The following USP5 variants were observed in gnomAD, a reference collection of about 807,000 sequenced individuals.
USP5 encodes ubiquitin specific peptidase 5.
A neutral mutation model predicts 102.5 loss-of-function variants in USP5; 24 were observed. That is an observed-to-expected ratio of 0.23 (90% CI 0.17 to 0.33). USP5 has a LOEUF of 0.33. USP5 is among the 10% of genes least tolerant of loss of function. USP5 has a pLI of 1.00. For synonymous variants in USP5, 460 were observed against 434.8 expected (o/e 1.06, Z -0.72); for missense variants, 753 against 1,122.1 (o/e 0.67, Z 4.70).
In USP5 at chr12:6,856,039, T is replaced by C. The variant is rs781957346; in HGVS notation, c.327T>C (p.Leu109=). The C allele has an allele frequency of 1.2e-6, 2 of 1,614,058 alleles. No individual in the cohort carries two copies. Among genetic ancestry groups the C allele is most frequent in the African/African-American group, 2.7e-5 (2 of 74,916 alleles). ...CAGGTGTTGAAGGCGGATTTGACCTTAGCGAGGAGAAGTTTGAATTAGACG... is the reference window on the plus strand; with the variant it reads ...CAGGTGTTGAAGGCGGATTTGACCTCAGCGAGGAGAAGTTTGAATTAGACG... ...LAIGVEGGFD[L]SEEKFELDED... is the part of the protein sequence containing the mutation. Residue 109 remains leucine, a synonymous_variant, in exon 4 of 20, where the codon CTT becomes CTC. Transcript: ENST00000229268. This position sits in a 1 kb window ranked among gnomAD's most constrained non-coding sequence, Gnocchi z 5.6.
Position 6,855,155 on chromosome 12 carries a change from G to A in USP5, c.112-246G>A, listed in dbSNP as rs143399294. On this transcript the variant is annotated intron_variant, in intron 1 of 19. Transcript: ENST00000229268. This position sits in a 1 kb window ranked among gnomAD's most constrained non-coding sequence, Gnocchi z 4.6. Reference sequence around the variant, plus strand: ...GGTGTTGCTGTTGAATGGCGACGATGAGCTGGTGTTCCTCAGCCCCCTGAT... The same window carrying A: ...GGTGTTGCTGTTGAATGGCGACGATAAGCTGGTGTTCCTCAGCCCCCTGAT... Among the ~76,000 whole-genome samples, 374 of 152,314 alleles carry A rather than the reference G, an allele frequency of 2.5e-3. No homozygotes were observed. The highest frequency in any genetic ancestry group is 4.1e-3 in the Non-Finnish European group (282 of 68,030).
Position 6,855,691 on chromosome 12 carries a change from C to G in USP5, c.238-64C>G. On this transcript the variant is annotated intron_variant, in intron 2 of 19. Transcript: ENST00000229268. The surrounding 1 kb of genome is among the most constrained non-coding windows in gnomAD (Gnocchi z 4.6). ...GATGAAGCACTACCTCCTTCCGTCCCTCCTCCCGACTTGTTCCTTCGCTCG... is the reference window on the plus strand; with the variant it reads ...GATGAAGCACTACCTCCTTCCGTCCGTCCTCCCGACTTGTTCCTTCGCTCG... The G allele has an allele frequency of 1.2e-6, 2 of 1,608,006 alleles. No individual in the cohort carries two copies. The highest frequency in any genetic ancestry group is 1.7e-6 in the Non-Finnish European group (2 of 1,175,490).
rs1254231978 is a variant in USP5 at position 6,861,760 on chromosome 12, T to C, written c.1673+143T>C. 2.1e-6 allele frequency: 2 copies of C among 970,904 alleles called. No homozygotes were observed. Among genetic ancestry groups the C allele is most frequent in the Non-Finnish European group, 2.8e-6 (2 of 719,194 alleles). The allele number at this position is 970,904 out of a possible 1,614,324, so 60.1% of individuals were successfully genotyped here. ...AGTTGGGCTGGTAATCTGGCCCTGA[T>C]GGAACCAAGGGGCCCTGGTAGGGGG... On this transcript the variant is annotated intron_variant, in intron 13 of 19. Coordinates refer to ENST00000229268, the MANE Select transcript of USP5 (RefSeq NM_001098536.2). The surrounding 1 kb of genome is among the most constrained non-coding windows in gnomAD (Gnocchi z 4.9).
At chr12:6,862,888 C>T (rs1944319507) in intron 14 of USP5, among the ~76,000 whole-genome samples, 1 of 152,208 alleles carries the variant, frequency 6.6e-6, no homozygotes, top group Non-Finnish European at 1.5e-5. Context: ...GATGTACCTT[C>T]ATTTTCTAGA....
Position 6,861,033 on chromosome 12 carries a change from G to A in USP5, c.1425G>A (p.Glu475=). The A allele has an allele frequency of 6.2e-7, 1 of 1,614,258 alleles. No homozygotes were observed. The highest frequency in any genetic ancestry group is 8.5e-7 in the Non-Finnish European group (1 of 1,180,046). ...VEEKIKCLAT[E]KVKYTQRVDY... ...AAAAGATCAAGTGCCTGGCCACAGAGAAGGTGAAGTACACCCAGCGAGTTG... is the reference window on the plus strand; with the variant it reads ...AAAAGATCAAGTGCCTGGCCACAGAAAAGGTGAAGTACACCCAGCGAGTTG... Residue 475 remains glutamate, a synonymous_variant, in exon 12 of 20, where the codon GAG becomes GAA. Coordinates refer to ENST00000229268, the MANE Select transcript of USP5 (RefSeq NM_001098536.2). The surrounding 1 kb of genome is among the most constrained non-coding windows in gnomAD (Gnocchi z 4.9).
At position 6,856,340 on chromosome 12, in the gene USP5, C is replaced by T. The variant is rs2138040490; in HGVS notation, c.474C>T (p.Asp158=). ...CAGTGGAGGCCCTACTGTCGGCCGACTCAGCCTCCCGCAAGCAGGAGGTGC... is the reference window on the plus strand; with the variant it reads ...CAGTGGAGGCCCTACTGTCGGCCGATTCAGCCTCCCGCAAGCAGGAGGTGC... ...TSAVEALLSA[D]SASRKQEVQA... is the part of the protein sequence containing the mutation. The change falls in exon 5 of 20, where the codon GAC becomes GAT. Residue 158 remains aspartate (D), a synonymous_variant. Transcript: ENST00000229268. This position sits in a 1 kb window ranked among gnomAD's most constrained non-coding sequence, Gnocchi z 5.6. The T allele has an allele frequency of 1.2e-6, 2 of 1,613,890 alleles. No individual in the cohort carries two copies. The highest frequency in any genetic ancestry group is 1.7e-6 in the Non-Finnish European group (2 of 1,179,932).
Position 6,856,128 on chromosome 12 carries a change from T to A in USP5, c.416T>A (p.Leu139Gln), listed in dbSNP as rs1265334051. The A allele has an allele frequency of 1.2e-6, 2 of 1,614,188 alleles. No homozygotes were observed. The highest frequency in any genetic ancestry group is 4.5e-5 in the East Asian group (2 of 44,882). ...LEIARDGLGG[L>Q]PDIVRDRVTS... ...ATTGCCCGGGATGGACTGGGGGGACTGCCTGACATTGTCAGAGATCGGGTA... is the reference window on the plus strand; with the variant it reads ...ATTGCCCGGGATGGACTGGGGGGACAGCCTGACATTGTCAGAGATCGGGTA... The change falls in exon 4 of 20, where the codon CTG becomes CAG. Residue 139 changes from leucine to glutamine, a missense_variant. By Grantham distance (113) the Leu-to-Gln change is moderately radical. Coordinates refer to ENST00000229268, the MANE Select transcript of USP5 (RefSeq NM_001098536.2). This position sits in a 1 kb window ranked among gnomAD's most constrained non-coding sequence, Gnocchi z 5.6.
At chr12:6,865,798 A>C (rs1944428161) in intron 19 of USP5, among the ~76,000 whole-genome samples, 186 bp from the exon 20 acceptor site, 1 of 152,172 alleles carries the variant, frequency 6.6e-6, no homozygotes, top group Non-Finnish European at 1.5e-5. Flanking sequence ...ATCTGAAGAC[A>C]TAATAGGGTC....
chr12:6,865,241 G>T lies in USP5; in HGVS notation c.2476G>T (p.Glu826Ter). 1.2e-6 allele frequency: 2 copies of T among 1,613,688 alleles called. No homozygotes were observed. The highest frequency in any genetic ancestry group is 1.7e-6 in the Non-Finnish European group (2 of 1,179,618). ...TCACTACGTCTGCCACATCAAGAAAGAAGGCAGGTGAGTGCTGGCCACATG... is the reference window on the plus strand; with the variant it reads ...TCACTACGTCTGCCACATCAAGAAATAAGGCAGGTGAGTGCTGGCCACATG... The part of the protein sequence containing the change: ...CGHYVCHIKK[E>*]GRWVIYNDQK... Residue 826 changes from glutamate to a stop codon, truncating the protein, a stop_gained, in exon 19 of 20, where the codon GAA (glutamate) becomes TAA (stop). Coordinates refer to ENST00000229268, the MANE Select transcript of USP5 (RefSeq NM_001098536.2). LOFTEE classifies it high-confidence loss of function.
Position 6,855,537 on chromosome 12 carries a change from G to A in USP5, c.237+11G>A. On this transcript the variant is annotated intron_variant, in intron 2 of 19. Coordinates refer to ENST00000229268, the MANE Select transcript of USP5 (RefSeq NM_001098536.2). The surrounding 1 kb of genome is among the most constrained non-coding windows in gnomAD (Gnocchi z 4.6). ...CGGACCCGGCGCCCGGTAGGAGCAGGGCTGGGGCAAGGCCTGGGTACATTG... is the reference window on the plus strand; with the variant it reads ...CGGACCCGGCGCCCGGTAGGAGCAGAGCTGGGGCAAGGCCTGGGTACATTG... 1 of 1,613,930 alleles carries A rather than the reference G, an allele frequency of 6.2e-7. No individual in the cohort carries two copies.
rs373444804 is a variant in USP5, at chr12:6,859,427, C to T, written c.1059-43C>T. The T allele has an allele frequency of 3.1e-6, 5 of 1,601,268 alleles. No individual in the cohort carries two copies. The African/African-American group carries it at 6.7e-5, about 21-fold the overall frequency. On this transcript the variant is annotated intron_variant, in intron 8 of 19. Transcript: ENST00000229268. ...TTGCTTCCTTCCCTTTTCCTCGGCG[C>T]TCAGGCCAGAGCCCCTCCAACTGTC...
Position 6,861,574 on chromosome 12 carries a change from G to A in USP5, c.1630G>A (p.Asp544Asn). 1 of 1,592,712 alleles carries A rather than the reference G, an allele frequency of 6.3e-7. No individual in the cohort carries two copies. The highest frequency in any genetic ancestry group is 8.6e-7 in the Non-Finnish European group (1 of 1,164,748). ...EAYGAPEQVDDFWSTALQAKS... is the reference protein window; with the variant it reads ...EAYGAPEQVDNFWSTALQAKS... ...CTACGGGGCCCCTGAGCAGGTCGAT[G>A]ACTTCTGGAGCACGGCCCTGCAGGC... The change falls in exon 13 of 20, where the codon GAC becomes AAC. Residue 544 changes from aspartate to asparagine, a missense_variant. Physicochemically the swap from Asp to Asn is conservative, Grantham distance 23 (BLOSUM62 1). Transcript: ENST00000229268. This position sits in a 1 kb window ranked among gnomAD's most constrained non-coding sequence, Gnocchi z 4.9.
rs1009240830 is a variant in USP5, at chr12:6,858,982, C to T, written c.1058+365C>T. Among the ~76,000 whole-genome samples the T allele has an allele frequency of 6.6e-6, 1 of 152,162 alleles. No homozygotes were observed. The highest frequency in any genetic ancestry group is 1.5e-5 in the Non-Finnish European group (1 of 68,038). On this transcript the variant is annotated intron_variant, in intron 8 of 19. Transcript: ENST00000229268. The surrounding 1 kb of genome is among the most constrained non-coding windows in gnomAD (Gnocchi z 4.2). ...ACTGATAGTGCAGAGTGCCAAGTCC[C>T]AGGGCTCTGTGGCCTTCTGACAGAC...
chr12:6,865,294 A>C (rs782081648), intron 19 of USP5, 46 bp downstream of exon 19: 1 of 1,556,922 alleles, frequency 6.4e-7, no homozygotes, highest in African/African-American at 1.4e-5. Context: ...GGTGGTGGGA[A>C]TGAGGAGGGC....
At chr12:6,859,352 C>A in intron 8 of USP5, 118 bp from the exon 9 acceptor site, 1 of 981,724 alleles carries the variant, frequency 1.0e-6, no homozygotes, top group Non-Finnish European at 1.6e-6. Context: ...GGTTCACCCA[C>A]AGCAACTCCC....
Position 6,855,323 on chromosome 12 carries a change from G to A in USP5, c.112-78G>A. 6.4e-7 allele frequency: 1 copy of A among 1,572,068 alleles called. No individual in the cohort carries two copies. The highest frequency in any genetic ancestry group is 8.6e-7 in the Non-Finnish European group (1 of 1,156,644). On this transcript the variant is annotated intron_variant, in intron 1 of 19. Coordinates refer to ENST00000229268, the MANE Select transcript of USP5 (RefSeq NM_001098536.2). This position sits in a 1 kb window ranked among gnomAD's most constrained non-coding sequence, Gnocchi z 4.6. ...TTTCTTCTGGAACCCAGCAGTTTCT[G>A]ACTCCAGGTTTTGGTTTCCTCACCT...
chr12:6,863,306 A>C lies in USP5; in HGVS notation c.1883A>C (p.Lys628Thr). 6.2e-7 allele frequency: 1 copy of C among 1,614,136 alleles called. No individual in the cohort carries two copies. The highest frequency in any genetic ancestry group is 8.5e-7 in the Non-Finnish European group (1 of 1,180,018). ...CCCCTGGTCACTCCGGATGAGCCCAAAGGTAGCCTTGGTTTCTATGGCAAC... is the reference window on the plus strand; with the variant it reads ...CCCCTGGTCACTCCGGATGAGCCCACAGGTAGCCTTGGTTTCTATGGCAAC... Reference protein sequence around the residue: ...APPLVTPDEPKGSLGFYGNED... With the variant: ...APPLVTPDEPTGSLGFYGNED... Residue 628 changes from lysine to threonine, a missense_variant, in exon 15 of 20, where the codon AAA (lysine) becomes ACA (threonine). Coordinates refer to ENST00000229268, the MANE Select transcript of USP5 (RefSeq NM_001098536.2). The surrounding 1 kb of genome is among the most constrained non-coding windows in gnomAD (Gnocchi z 4.7).
At chr12:6,862,679 TG>T (rs1184821119) in intron 14 of USP5, 121 bp downstream of exon 14, 38 of 845,438 alleles carry the variant, frequency 4.5e-5, no homozygotes, top group Non-Finnish European at 6.5e-5. Context: ...TCACCTTCAA[TG>T]TTTCAAAATT....
In USP5 at chr12:6,855,241, A is replaced by G. The variant is rs1263107718; in HGVS notation, c.112-160A>G. ...ATGGGGAGAATCTTAGCTATGTCCC[A>G]GGTCCTAAAAGGCTAAATAACTTGC... On this transcript the variant is annotated intron_variant, in intron 1 of 19. Coordinates refer to ENST00000229268, the MANE Select transcript of USP5 (RefSeq NM_001098536.2). The surrounding 1 kb of genome is among the most constrained non-coding windows in gnomAD (Gnocchi z 4.6). Among the ~76,000 whole-genome samples, 2 of 152,366 alleles carry G rather than the reference A, an allele frequency of 1.3e-5. No homozygotes were observed. Among genetic ancestry groups the G allele is most frequent in the East Asian group, 3.9e-4 (2 of 5,188 alleles).
Sources: gnomAD v4.1 joint callset for allele counts (sites outside exome capture counted in the v4.1 genomes callset) on GRCh38, gnomAD v4.1.1 for gene constraint, Gnocchi (gnomAD v3.1) non-coding constraint, MANE v1.5 for transcripts, NCBI Gene and HGNC (gene_info 2026-07-23, HGNC 2026-07-21) for gene names.